The following ASAP2 variants were observed in gnomAD, a reference collection of about 807,000 sequenced individuals.
The protein encoded by ASAP2 is ArfGAP with SH3 domain, ankyrin repeat and PH domain 2, also known as arf-GAP with SH3 domain, ANK repeat and PH domain-containing protein 2.
ASAP2 carries 45 observed loss-of-function variants against 131.4 expected under a neutral mutation model. That is an observed-to-expected ratio of 0.34 (90% CI 0.27 to 0.44). The LOEUF (loss-of-function observed/expected upper bound fraction) is 0.44. ASAP2 is among the 20% of genes least tolerant of loss of function. The pLI is 1.00. For synonymous variants in ASAP2, 510 were observed against 503.0 expected, an observed-to-expected ratio of 1.01 and a Z score of -0.19; for missense variants, 1,011 against 1,297.0, an observed-to-expected ratio of 0.78 and a Z score of 3.39.
intron 1 of ASAP2, among the ~76,000 whole-genome samples, chr2:9,208,593 C>T (rs1213345477): frequency 2.0e-5 from 3 of 152,108 alleles, no homozygotes; most frequent in African/African-American, 7.2e-5. Context: ...GGTAGCCTTC[C>T]TTCTCTCCAT....
intron 1 of ASAP2, among the ~76,000 whole-genome samples, chr2:9,263,820 A>G (rs189413480): frequency 3.8e-4 from 58 of 152,324 alleles, no homozygotes; most frequent in Admixed American, 1.2e-3. Context: ...TCTGGAGGTC[A>G]TCAGCTGAGG....
At chr2:9,260,787 A>G (rs2148196887) in intron 1 of ASAP2, among the ~76,000 whole-genome samples, 1 of 152,304 alleles carries the variant, frequency 6.6e-6, no homozygotes, top group South Asian at 2.1e-4. Flanking sequence ...GACTAAAGAT[A>G]GCAGGGTTTT....
At chr2:9,305,865 G>T (rs1668891437) in intron 3 of ASAP2, among the ~76,000 whole-genome samples, 1 of 149,436 alleles carries the variant, frequency 6.7e-6, no homozygotes, top group African/African-American at 2.5e-5. Context: ...TGGTGTAGAG[G>T]CTGTAGTAGT....
In ASAP2 at chr2:9,286,447, A is replaced by AAAATATATATATATAT. The variant is rs58605449; in HGVS notation, c.199+7059_199+7060insAATATATATATATATA. 6.7e-4 allele frequency among the ~76,000 whole-genome samples: 100 copies of AAAATATATATATATAT among 148,478 alleles called. 1 individual carries two copies. The highest frequency in any genetic ancestry group is 2.8e-3 in the South Asian group (13 of 4,698). ...TTTTTTTTAAAAAAGGAAAAAAAAA[A>AAAATATATATATATAT]ATATATATATATATACTGTATCTGA... On this transcript the variant is annotated intron_variant, in intron 2 of 27. Transcript: ENST00000281419.
intron 5 of ASAP2, among the ~76,000 whole-genome samples, chr2:9,321,755 A>G (rs1670162079): frequency 6.6e-6 from 1 of 152,166 alleles, no homozygotes; most frequent in Admixed American, 6.5e-5. Context: ...GGTTTGGAAG[A>G]AGGATAACAT....
rs1167547534 is a variant in ASAP2 at position 9,254,208 on chromosome 2, C to CAAAAAAAAAAAAAA, written c.127-25093_127-25080dup. On this transcript the variant is annotated intron_variant, in intron 1 of 27. Coordinates refer to ENST00000281419, the MANE Select transcript of ASAP2 (RefSeq NM_003887.3). ...CCTGGGGAACAGAGGGAGACTGTCT[C>CAAAAAAAAAAAAAA]AAAAAAAAAAAAAAAAAAAAAAAAA... 1.9e-4 allele frequency among the ~76,000 whole-genome samples: 3 copies of CAAAAAAAAAAAAAA among 15,640 alleles called. 1 individual carries two copies. The highest frequency in any genetic ancestry group is 3.4e-4 in the Non-Finnish European group (3 of 8,878). 10.3% of individuals were successfully genotyped at this position (15,640 alleles called of 152,430 possible).
At position 9,300,125 on chromosome 2, in the gene ASAP2, C is replaced by T. The variant is rs186601139; in HGVS notation, c.345+2680C>T. Among the ~76,000 whole-genome samples, 395 of 152,292 alleles carry T rather than the reference C, an allele frequency of 2.6e-3. 1 individual carries two copies. The highest frequency in any genetic ancestry group is 9.1e-3 in the African/African-American group (380 of 41,546). On this transcript the variant is annotated intron_variant, in intron 3 of 27. Coordinates refer to ENST00000281419, the MANE Select transcript of ASAP2 (RefSeq NM_003887.3). ...GCTCACGGCTGTAGTCCCTGCTACT[C>T]GGGAGGCTGAGGCTGAAGAATTGCT...
intron 2 of ASAP2, among the ~76,000 whole-genome samples, chr2:9,280,415 TC>T (rs1011749452): frequency 9.3e-5 from 14 of 150,838 alleles, no homozygotes; most frequent in Non-Finnish European, 1.5e-4. Context: ...CTCTTGATTC[TC>T]CCCCCATGAG....
chr2:9,271,391 C>G lies in ASAP2; in HGVS notation c.127-7926C>G. ...CTGTCACCCTGTAGCTGAATTACTT[C>G]TCCATATTCTGGATGCTCAATTACA... On this transcript the variant is annotated intron_variant, in intron 1 of 27. Transcript: ENST00000281419. 3 of 1,401,126 alleles carry G rather than the reference C, an allele frequency of 2.1e-6. No individual in the cohort carries two copies. The South Asian group carries it at 3.5e-5, about 16-fold the overall frequency. The allele number at this position is 1,401,126 out of a possible 1,614,324, so 86.8% of individuals were successfully genotyped here. A position where few individuals can be genotyped will look rare whatever the true frequency, so the allele number is the denominator to read the frequency against.
Position 9,393,470 on chromosome 2 carries a change from T to C in ASAP2, c.2519-12T>C. On this transcript the variant is annotated splice_polypyrimidine_tract_variant and intron_variant, in intron 23 of 27. Coordinates refer to ENST00000281419, the MANE Select transcript of ASAP2 (RefSeq NM_003887.3). ...GGCTGACCCTCTGCACGTCTCTCCC[T>C]GTCCTCCGCAGATCCCCTGACCCCC... is the stretch of plus-strand genomic sequence containing the variant. 1 of 1,600,118 alleles carries C rather than the reference T, an allele frequency of 6.2e-7. No homozygotes were observed. The highest frequency in any genetic ancestry group is 8.5e-7 in the Non-Finnish European group (1 of 1,173,320).
chr2:9,229,935 T>C (rs946689161), intron 1 of ASAP2, among the ~76,000 whole-genome samples: 2 of 152,032 alleles, frequency 1.3e-5, no homozygotes, highest in Non-Finnish European at 2.9e-5. Context: ...CGGTTGTCAG[T>C]GTGGGCTGGG....
chr2:9,345,719 G>A (rs1671922967), intron 11 of ASAP2, among the ~76,000 whole-genome samples: 1 of 152,118 alleles, frequency 6.6e-6, no homozygotes, highest in Admixed American at 6.5e-5. Context: ...CGTCTTTCCT[G>A]CCCCTTGTCC....
At chr2:9,295,034 A>G (rs1668068483) in intron 2 of ASAP2, among the ~76,000 whole-genome samples, 1 of 152,242 alleles carries the variant, frequency 6.6e-6, no homozygotes, top group Admixed American at 6.5e-5. Flanking sequence ...GTTTAAAAAT[A>G]GTATGTGGTT....
At chr2:9,373,930 C>T (rs999793128) in intron 16 of ASAP2, among the ~76,000 whole-genome samples, 6 of 152,170 alleles carry the variant, frequency 3.9e-5, no homozygotes, top group Admixed American at 2.6e-4. Flanking sequence ...TTCCAAGGCC[C>T]GGGACCCACT....
At chr2:9,295,928 A>G (rs1390350300) in intron 2 of ASAP2, among the ~76,000 whole-genome samples, 1 of 152,222 alleles carries the variant, frequency 6.6e-6, no homozygotes, top group Non-Finnish European at 1.5e-5. Context: ...CTCAGGGTCC[A>G]GGACTGCCCT....
At position 9,397,727 on chromosome 2, in the gene ASAP2, GATATATATAT is replaced by G. The variant is rs200560260; in HGVS notation, c.2685-2281_2685-2272del. ...TTGGTTGGGAAAAAAAAATCAAAAG[GATATATATAT>G]ATATATATATATATTTTTTTTTTTT... On this transcript the variant is annotated intron_variant, in intron 24 of 27. Coordinates refer to ENST00000281419, the MANE Select transcript of ASAP2 (RefSeq NM_003887.3). 5.4e-4 allele frequency among the ~76,000 whole-genome samples: 45 copies of G among 83,522 alleles called. 1 individual carries two copies. In the East Asian group the frequency reaches 7.8e-3, roughly 14 times the overall value. The allele number at this position is 83,522 out of a possible 152,430, so 54.8% of individuals were successfully genotyped here.
At position 9,297,369 on chromosome 2, in the gene ASAP2, A is replaced by C; in HGVS notation, c.269A>C (p.Asp90Ala). Residue 90 changes from aspartate to alanine, a missense_variant, in exon 3 of 28, where the codon GAT becomes GCT. Asp to Ala is a moderately radical substitution (Grantham distance 126). Around this residue, in one of 2 missense-constraint regions of ASAP2, gnomAD observed 359 missense variants for 598.1 expected, o/e 0.60. Transcript: ENST00000281419. ...EKFGGNCVCR[D>A]DPDLGSAFLK... ...TTTGGCGGCAACTGTGTATGCAGAGATGACCCAGATTTAGGAAGTGCGTTC... is the reference window on the plus strand; with the variant it reads ...TTTGGCGGCAACTGTGTATGCAGAGCTGACCCAGATTTAGGAAGTGCGTTC... 1 of 1,614,180 alleles carries C rather than the reference A, an allele frequency of 6.2e-7. No homozygotes were observed. Among genetic ancestry groups the C allele is most frequent in the Non-Finnish European group, 8.5e-7 (1 of 1,180,034 alleles).
At position 9,217,912 on chromosome 2, in the gene ASAP2, C is replaced by CT. The variant is rs34408894; in HGVS notation, c.126+10696dup. 3.9e-4 allele frequency among the ~76,000 whole-genome samples: 57 copies of CT among 145,218 alleles called. No individual in the cohort carries two copies. The highest frequency in any genetic ancestry group is 1.6e-3 in the East Asian group (8 of 4,880). On this transcript the variant is annotated intron_variant, in intron 1 of 27. Transcript: ENST00000281419. The surrounding 1 kb of genome is among the most constrained non-coding windows in gnomAD (Gnocchi z 4.0). ...TACAGGTGTGAGCCACCACGCCTGG[C>CT]TTTTTTTTTTTTTTACATGAAAAAA...
intron 5 of ASAP2, among the ~76,000 whole-genome samples, chr2:9,322,484 TCACGGC>T (rs1670215366): frequency 6.6e-6 from 1 of 151,756 alleles, no homozygotes; most frequent in African/African-American, 2.4e-5. Context: ...GAATAAAAAC[TCACGGC>T]TATTTCAAGC....
Sources: allele counts gnomAD v4.1 joint callset (sites outside exome capture counted in the v4.1 genomes callset), GRCh38; gene constraint gnomAD v4.1.1; regional missense constraint gnomAD v4.1.1; non-coding constraint Gnocchi (gnomAD v3.1); transcripts MANE v1.5; gene names NCBI Gene and HGNC (gene_info 2026-07-23, HGNC 2026-07-21).